Variants in ZPBP2 observed in about 807,000 individuals in gnomAD.
The protein encoded by ZPBP2 is zona pellucida-binding protein 2.
A neutral mutation model predicts 37.5 loss-of-function variants in ZPBP2; 34 were observed. That is an observed-to-expected ratio of 0.91 (90% CI 0.69 to 1.21). ZPBP2 has a LOEUF of 1.21. Ranked by LOEUF, ZPBP2 falls within the 50% of genes most tolerant of loss-of-function variation. ZPBP2 has a pLI of 0.00. For synonymous variants in ZPBP2, 143 were observed against 138.4 expected (o/e 1.03, Z -0.23); for missense variants, 397 against 413.5 (o/e 0.96, Z 0.35).
Position 39,868,568 on chromosome 17 carries a change from C to T in ZPBP2, c.72C>T (p.Thr24=), listed in dbSNP as rs757713939. 9 of 1,614,022 alleles carry T rather than the reference C, an allele frequency of 5.6e-6. No homozygotes were observed. The Admixed American group carries it at 1.0e-4, about 18-fold the overall frequency. ...CCGCAGTCCAATGCCCGCGTTTTAC[C>T]TTATTCAATAAGAAGGGCTTCATTT... ...CLTGVQCPRF[T]LFNKKGFIYG... The change falls in exon 2 of 8, where the codon ACC becomes ACT. Residue 24 remains threonine (T), a synonymous_variant. Coordinates refer to ENST00000348931, the MANE Select transcript of ZPBP2 (RefSeq NM_199321.3).
At chr17:39,871,310 C>T (rs1376494476) in intron 3 of ZPBP2, among the ~76,000 whole-genome samples, 154 bp from the exon 4 acceptor site, 21 of 152,056 alleles carry the variant, frequency 1.4e-4, no homozygotes, top group Non-Finnish European at 1.5e-5. Flanking sequence ...TAGTCTTCCA[C>T]AGAGTAATAT....
intron 4 of ZPBP2, 83 bp from the exon 5 acceptor site, chr17:39,872,187 C>T (rs931010447): frequency 8.6e-6 from 9 of 1,042,894 alleles, no homozygotes; most frequent in Admixed American, 2.5e-5. Flanking sequence ...TTTAGTATTA[C>T]ATAGTATTTG....
At chr17:39,876,170 T>C (rs2063389855) in intron 7 of ZPBP2, among the ~76,000 whole-genome samples, 2 of 152,084 alleles carry the variant, frequency 1.3e-5, no homozygotes, top group African/African-American at 4.8e-5. Context: ...CTGCCCGCCT[T>C]GGCCTCCCAA....
intron 5 of ZPBP2, 38 bp from the exon 6 acceptor site, chr17:39,873,006 G>C (rs376520063): frequency 1.0e-4 from 160 of 1,590,526 alleles, no homozygotes; most frequent in Non-Finnish European, 1.3e-4. Flanking sequence ...GAACTTTTCA[G>C]AATCCCTTTG....
chr17:39,868,489 G>T, intron 1 of ZPBP2, 60 bp from the exon 2 acceptor site: 1 of 1,613,458 alleles, frequency 6.2e-7, no homozygotes, highest in Admixed American at 1.7e-5. Flanking sequence ...GCCCTGCCCT[G>T]CCCGACTCTG....
Position 39,871,547 on chromosome 17 carries a change from A to G in ZPBP2, c.328A>G (p.Thr110Ala). 1.9e-6 allele frequency: 3 copies of G among 1,609,622 alleles called. No individual in the cohort carries two copies. The highest frequency in any genetic ancestry group is 1.7e-6 in the Non-Finnish European group (2 of 1,177,998). Residue 110 changes from threonine to alanine, a missense_variant, in exon 4 of 8, where the codon ACT becomes GCT. Transcript: ENST00000348931. Reference sequence around the variant, plus strand: ...GCCTTTGTCTGGACTTTACACATGTACTCTTTCTTATAAGACTGTTAAAGC... The same window carrying G: ...GCCTTTGTCTGGACTTTACACATGTGCTCTTTCTTATAAGACTGTTAAAGC... ...LEPLSGLYTC[T>A]LSYKTVKAET...
At position 39,873,082 on chromosome 17, in the gene ZPBP2, G is replaced by T. The variant is rs776326544; in HGVS notation, c.664G>T (p.Gly222Ter). 6.2e-7 allele frequency: 1 copy of T among 1,611,990 alleles called. No homozygotes were observed. The highest frequency in any genetic ancestry group is 8.5e-7 in the Non-Finnish European group (1 of 1,179,148). Reference protein sequence around the residue: ...FAPGWKGACNGSVDCEDTTNH... With the variant: ...FAPGWKGACN ...GCCGGGGTGGAAAGGTGCTTGCAATGGATCTGTTGACTGTGAAGATACCAC... is the reference window on the plus strand; with the variant it reads ...GCCGGGGTGGAAAGGTGCTTGCAATTGATCTGTTGACTGTGAAGATACCAC... Residue 222 changes from glycine (G) to a stop codon, truncating the protein, a stop_gained, in exon 6 of 8, where the codon GGA becomes TGA. Transcript: ENST00000348931. LOFTEE classifies it high-confidence loss of function.
Position 39,872,246 on chromosome 17 carries a change from C to G in ZPBP2, c.407-24C>G, listed in dbSNP as rs758278559. 6 of 1,547,084 alleles carry G rather than the reference C, an allele frequency of 3.9e-6. 1 individual carries two copies. In the South Asian group the frequency reaches 7.3e-5, roughly 19 times the overall value. ...AATGCTAGGTACGATTGTTTTCACT[C>G]TCATCTTTCTTTTTTTTTTAAAGCC... On this transcript the variant is annotated intron_variant, in intron 4 of 7. Coordinates refer to ENST00000348931, the MANE Select transcript of ZPBP2 (RefSeq NM_199321.3).
At chr17:39,872,611 A>G (rs1387388702) in intron 5 of ZPBP2, 123 bp downstream of exon 5, 1 of 662,468 alleles carries the variant, frequency 1.5e-6, no homozygotes. Context: ...TAAGCACTAA[A>G]GTATGTAGTT....
chr17:39,869,179 G>C (rs919034596), intron 2 of ZPBP2, among the ~76,000 whole-genome samples: 1 of 152,114 alleles, frequency 6.6e-6, no homozygotes, highest in Admixed American at 6.5e-5. Flanking sequence ...TATGAGCCTG[G>C]CATTCAGTAG....
intron 2 of ZPBP2, among the ~76,000 whole-genome samples, chr17:39,869,025 C>A (rs1000342523): frequency 1.1e-4 from 17 of 152,160 alleles, no homozygotes; most frequent in Admixed American, 6.5e-4. Context: ...TCCTTTATCT[C>A]TGCAGTGAAA....
Position 39,872,322 on chromosome 17 carries a change from G to C in ZPBP2, c.459G>C (p.Arg153Ser). 6.2e-7 allele frequency: 1 copy of C among 1,612,178 alleles called. No homozygotes were observed. The highest frequency in any genetic ancestry group is 1.1e-5 in the South Asian group (1 of 90,806). The change falls in exon 5 of 8, where the codon AGG (arginine) becomes AGC (serine). Residue 153 changes from arginine (R) to serine (S), a missense_variant. Transcript: ENST00000348931. ...SYQMAVRFTT[R>S]SCIGRYNDVF... ...AGATGGCTGTACGTTTTACCACAAGGTCTTGTATAGGGAGATACAATGATG... is the reference window on the plus strand; with the variant it reads ...AGATGGCTGTACGTTTTACCACAAGCTCTTGTATAGGGAGATACAATGATG...
At position 39,877,587 on chromosome 17, in the gene ZPBP2, C is replaced by T. The variant is rs2063396341; in HGVS notation, c.*778C>T. The T allele has an allele frequency of 6.6e-6, 1 of 152,190 alleles. No homozygotes were observed. The highest frequency in any genetic ancestry group is 6.5e-5 in the Admixed American group (1 of 15,278). 9.4% of individuals were successfully genotyped at this position (152,190 alleles called of 1,614,324 possible). A position where few individuals can be genotyped will look rare whatever the true frequency, so the allele number is the denominator to read the frequency against. On this transcript the variant is annotated 3_prime_UTR_variant, in exon 8 of 8. Coordinates refer to ENST00000348931, the MANE Select transcript of ZPBP2 (RefSeq NM_199321.3). ...ACCACCCTCAAAATCCTGTGCTTCACTTATTTATCCCTCCCGCCGTGCCCT... is the reference window on the plus strand; with the variant it reads ...ACCACCCTCAAAATCCTGTGCTTCATTTATTTATCCCTCCCGCCGTGCCCT...
intron 7 of ZPBP2, 77 bp downstream of exon 7, chr17:39,875,511 C>A: frequency 9.3e-7 from 1 of 1,072,862 alleles, no homozygotes; most frequent in Non-Finnish European, 1.3e-6. Flanking sequence ...CTTGGCATAA[C>A]TGAATAGAAT....
intron 6 of ZPBP2, among the ~76,000 whole-genome samples, chr17:39,874,422 C>G (rs1265157841): frequency 6.6e-6 from 1 of 151,986 alleles, no homozygotes; most frequent in East Asian, 1.9e-4. Context: ...GTTTTTTAAT[C>G]TTATTTTTTC....
At position 39,872,376 on chromosome 17, in the gene ZPBP2, G is replaced by C. The variant is rs1354646662; in HGVS notation, c.513G>C (p.Leu171Phe). 1.8e-5 allele frequency: 29 copies of C among 1,612,930 alleles called. No homozygotes were observed. Among genetic ancestry groups the C allele is most frequent in the Non-Finnish European group, 2.5e-5 (29 of 1,179,564 alleles). ...TCTTTAGAGTGCTGAAGAAAATCTT[G>C]GATAGTCTAATTTCTGATTTGTCAT... ...DVFFRVLKKI[L>F]DSLISDLSCH... The change falls in exon 5 of 8, where the codon TTG (leucine) becomes TTC (phenylalanine). Residue 171 changes from leucine to phenylalanine, a missense_variant. Leu to Phe is a conservative substitution (Grantham distance 22). Coordinates refer to ENST00000348931, the MANE Select transcript of ZPBP2 (RefSeq NM_199321.3).
intron 4 of ZPBP2, 64 bp from the exon 5 acceptor site, chr17:39,872,206 T>G: frequency 7.8e-7 from 1 of 1,282,306 alleles, no homozygotes; most frequent in Non-Finnish European, 1.1e-6. Flanking sequence ...TGAAAATTGT[T>G]TGGTAGAGGA....
At chr17:39,873,841 C>A (rs2063376336) in intron 6 of ZPBP2, among the ~76,000 whole-genome samples, 1 of 152,132 alleles carries the variant, frequency 6.6e-6, no homozygotes, top group Non-Finnish European at 1.5e-5. Context: ...ACTCTCTGGT[C>A]TAGTTCCTGA....
chr17:39,869,916 C>T (rs11655198), intron 2 of ZPBP2, among the ~76,000 whole-genome samples: 64,300 of 150,682 alleles, frequency 0.43, 14,379 homozygotes, highest in Non-Finnish European at 0.49. Flanking sequence ...GGTTTCACCA[C>T]GTTGGTCAGG....
Sources: gnomAD v4.1 joint callset for allele counts (sites outside exome capture counted in the v4.1 genomes callset) on GRCh38, gnomAD v4.1.1 for gene constraint, MANE v1.5 for transcripts, NCBI Gene and HGNC (gene_info 2026-07-23, HGNC 2026-07-21) for gene names.